The following ACACB variants were observed in gnomAD, a reference collection of about 807,000 sequenced individuals.
The protein encoded by ACACB is acetyl-CoA carboxylase beta, also known as acetyl-CoA carboxylase 2.
A neutral mutation model predicts 278.8 loss-of-function variants in ACACB; 209 were observed. That is an observed-to-expected ratio of 0.75 (90% CI 0.67 to 0.84). The LOEUF is 0.84. Among genes scored for constraint, ACACB ranks in the 40% least tolerant of loss-of-function variants. The pLI, the probability that ACACB is intolerant of heterozygous loss-of-function variation, is 0.00. For missense variants in ACACB, 2,850 were observed against 3,269.0 expected (o/e 0.87, Z 3.13); for synonymous variants, 1,174 against 1,285.6 (o/e 0.91, Z 1.86).
At chr12:109,188,546 C>T (rs527314163) in intron 13 of ACACB, among the ~76,000 whole-genome samples, 1 of 151,568 alleles carries the variant, frequency 6.6e-6, no homozygotes, top group East Asian at 1.9e-4. Flanking sequence ...CTTTCCCTCC[C>T]TTCCCACTTC....
In ACACB at chr12:109,157,625, T is replaced by C. The variant is rs572062828; in HGVS notation, c.654-9236T>C. On this transcript the variant is annotated intron_variant, in intron 2 of 52. Transcript: ENST00000338432. ...AAGTCGCTGGTCTTGAGTACTGCCC[T>C]GGGTCAGCACAAACATTGATGAAAA... 2.6e-5 allele frequency among the ~76,000 whole-genome samples: 4 copies of C among 152,240 alleles called. No individual in the cohort carries two copies. In the East Asian group the frequency reaches 5.8e-4, roughly 22 times the overall value.
intron 42 of ACACB, 99 bp downstream of exon 42, chr12:109,252,255 GC>G: frequency 1.3e-6 from 1 of 798,698 alleles, no homozygotes; most frequent in Non-Finnish European, 1.9e-6. Context: ...TCAATATGAA[GC>G]CAGTTTCATT....
intron 1 of ACACB, chr12:109,125,175 A>G (rs927793486): frequency 1.3e-5 from 2 of 152,204 alleles, no homozygotes; most frequent in African/African-American, 4.8e-5. Flanking sequence ...CAGCCATGAA[A>G]AGTATCAACG....
At chr12:109,137,386 A>G (rs1654885) in intron 1 of ACACB, among the ~76,000 whole-genome samples, 124,513 of 152,120 alleles carry the variant, frequency 0.82, 52,389 homozygotes, top group Non-Finnish European at 0.92. Context: ...ATGGCAGGGC[A>G]CAGTGTCTCA....
chr12:109,123,726 C>T (rs61934263), intron 1 of ACACB, among the ~76,000 whole-genome samples: 72,886 of 133,408 alleles, frequency 0.55, 19,367 homozygotes, highest in African/African-American at 0.74. Context: ...CTCACTCTGT[C>T]GCCCAGGCTG....
intron 24 of ACACB, among the ~76,000 whole-genome samples, chr12:109,221,978 G>A (rs150385991): frequency 2.2e-3 from 332 of 150,592 alleles, no homozygotes; most frequent in African/African-American, 7.9e-3. Flanking sequence ...CACCTCCCAA[G>A]GGATGATCAA....
intron 1 of ACACB, among the ~76,000 whole-genome samples, chr12:109,132,096 G>C (rs1429338595): frequency 3.9e-5 from 6 of 152,248 alleles, no homozygotes; most frequent in African/African-American, 1.4e-4. Context: ...GAAAGTTACT[G>C]ATCCACAGTT....
At chr12:109,183,010 A>G (rs1193717594) in intron 11 of ACACB, among the ~76,000 whole-genome samples, 1 of 152,158 alleles carries the variant, frequency 6.6e-6, no homozygotes, top group Non-Finnish European at 1.5e-5. Context: ...ATGGATATCC[A>G]GTTTTCCCAG....
chr12:109,140,232 TTCCTTCCTTCCTTCCTTCCTTCCA>T, intron 2 of ACACB, among the ~76,000 whole-genome samples, 174 bp downstream of exon 2: 1 of 129,714 alleles, frequency 7.7e-6, no homozygotes, highest in Non-Finnish European at 1.8e-5. Flanking sequence ...CCTTCCTTCC[TTCCTTCCTTCCTTCCTTCCTTCCA>T]TCCTTCCTTC....
In ACACB at chr12:109,166,948, C is replaced by T. The variant is rs150653401; in HGVS notation, c.741C>T (p.Pro247=). The T allele has an allele frequency of 2.6e-5, 42 of 1,613,864 alleles. No homozygotes were observed. The highest frequency in any genetic ancestry group is 1.3e-4 in the East Asian group (6 of 44,848). The stretch of plus-strand genomic sequence containing the variant: ...ACAGAGACTTTACCGTGGCTTCTCC[C>T]GCTGAGTTTGTCACACGCTTTGGGG... The part of the protein sequence containing the change: ...DLHRDFTVAS[P]AEFVTRFGGD... Residue 247 remains proline, a synonymous_variant, in exon 3 of 53, where the codon CCC becomes CCT. Coordinates refer to ENST00000338432, the MANE Select transcript of ACACB (RefSeq NM_001093.4).
At chr12:109,162,852 TC>T (rs1448796331) in intron 2 of ACACB, among the ~76,000 whole-genome samples, 2 of 152,168 alleles carry the variant, frequency 1.3e-5, no homozygotes, top group Non-Finnish European at 2.9e-5. Context: ...CACCACAGTC[TC>T]AGAAATTCTG....
rs761686971 is a variant in ACACB at position 109,265,539 on chromosome 12, G to A, written c.7250+14G>A. On this transcript the variant is annotated intron_variant, in intron 52 of 52. Coordinates refer to ENST00000338432, the MANE Select transcript of ACACB (RefSeq NM_001093.4). ...GACCATCCGAGGGTGAGTGGCCACCGCACCTGCTTCCCAGCCTCCTGGCAA... is the reference window on the plus strand; with the variant it reads ...GACCATCCGAGGGTGAGTGGCCACCACACCTGCTTCCCAGCCTCCTGGCAA... The A allele has an allele frequency of 8.9e-5, 143 of 1,611,402 alleles. 1 individual carries two copies. The Admixed American group carries it at 1.8e-3, about 20-fold the overall frequency.
At chr12:109,145,411 G>A (rs1310854121) in intron 2 of ACACB, among the ~76,000 whole-genome samples, 2 of 152,180 alleles carry the variant, frequency 1.3e-5, no homozygotes, top group South Asian at 4.1e-4. Flanking sequence ...CTTGCATAGT[G>A]TACATTGTAT....
chr12:109,257,142 C>T (rs2047245956), intron 45 of ACACB, among the ~76,000 whole-genome samples: 1 of 152,078 alleles, frequency 6.6e-6, no homozygotes, highest in South Asian at 2.1e-4. Flanking sequence ...GGCGTGGTGG[C>T]AGGCACCTGT....
Position 109,264,220 on chromosome 12 carries a change from G to A in ACACB, c.6788-12G>A, listed in dbSNP as rs1468883078. 3 of 1,612,602 alleles carry A rather than the reference G, an allele frequency of 1.9e-6. No homozygotes were observed. Among genetic ancestry groups the A allele is most frequent in the Middle Eastern group, 1.6e-4 (1 of 6,070 alleles). ...CTTCCATGGCTTGACTGGCCTTTCTGCTCACCTGCAGGGGAACCTGATCTC... is the reference window on the plus strand; with the variant it reads ...CTTCCATGGCTTGACTGGCCTTTCTACTCACCTGCAGGGGAACCTGATCTC... On this transcript the variant is annotated splice_polypyrimidine_tract_variant and intron_variant, in intron 49 of 52. Coordinates refer to ENST00000338432, the MANE Select transcript of ACACB (RefSeq NM_001093.4).
intron 10 of ACACB, 123 bp from the exon 11 acceptor site, chr12:109,179,794 C>T (rs1593480820): frequency 1.7e-6 from 2 of 1,203,760 alleles, no homozygotes; most frequent in South Asian, 1.5e-5. Context: ...CCTGGCCAGT[C>T]CCAAAATATT....
chr12:109,143,593 G>T (rs2043172309), intron 2 of ACACB, among the ~76,000 whole-genome samples: 1 of 152,052 alleles, frequency 6.6e-6, no homozygotes, highest in South Asian at 2.1e-4. Context: ...TCAGAGTTGA[G>T]AATTTAGAAT....
chr12:109,206,204 G>A (rs2045502436), intron 19 of ACACB, among the ~76,000 whole-genome samples: 1 of 152,078 alleles, frequency 6.6e-6, no homozygotes, highest in Admixed American at 6.5e-5. Context: ...GGGAGGCCAA[G>A]GCGGGCAGAT....
At position 109,209,209 on chromosome 12, in the gene ACACB, G is replaced by T; in HGVS notation, c.3105G>T (p.Pro1035=). 6.2e-7 allele frequency: 1 copy of T among 1,609,102 alleles called. No homozygotes were observed. The highest frequency in any genetic ancestry group is 8.5e-7 in the Non-Finnish European group (1 of 1,178,502). ...VQKLMMTLRH[P]SLPLLELQEI... ...AGCTCATGATGACCCTCCGGCACCC[G>T]TCACTGCCGCTGCTGGAGCTGCAGG... The change falls in exon 21 of 53, where the codon CCG becomes CCT. Residue 1035 remains proline, a synonymous_variant. Transcript: ENST00000338432.
Sources: allele counts gnomAD v4.1 joint callset (sites outside exome capture counted in the v4.1 genomes callset), GRCh38; gene constraint gnomAD v4.1.1; transcripts MANE v1.5; gene names NCBI Gene and HGNC (gene_info 2026-07-23, HGNC 2026-07-21).